Variants in TCERG1L observed in about 807,000 individuals in gnomAD.
TCERG1L encodes the protein transcription elongation regulator 1 like, also known as transcription elongation regulator 1-like protein.
Under a neutral mutation model 56.3 loss-of-function variants are expected in TCERG1L, and 37 were observed. That is an observed-to-expected ratio of 0.66 (90% CI 0.51 to 0.87). The LOEUF (loss-of-function observed/expected upper bound fraction) is 0.87. TCERG1L is among the 40% of genes least tolerant of loss of function. TCERG1L has a pLI of 0.00. For synonymous variants in TCERG1L, 324 were observed against 326.3 expected (o/e 0.99, Z 0.08); for missense variants, 799 against 774.2 (o/e 1.03, Z -0.38).
chr10:131,189,902 G>A (rs1845286776), intron 4 of TCERG1L, among the ~76,000 whole-genome samples: 1 of 151,852 alleles, frequency 6.6e-6, no homozygotes, highest in Admixed American at 6.6e-5. Flanking sequence ...CCTAAGGCTA[G>A]AAGAAGAAAA....
At position 131,103,418 on chromosome 10, in the gene TCERG1L, C is replaced by T. The variant is rs902859948; in HGVS notation, c.1485+847G>A. On this transcript the variant is annotated intron_variant, in intron 10 of 11. Coordinates refer to ENST00000368642, the MANE Select transcript of TCERG1L (RefSeq NM_174937.4). The surrounding 1 kb of genome is among the most constrained non-coding windows in gnomAD (Gnocchi z 4.3). The stretch of plus-strand genomic sequence containing the variant: ...GTATAAGGTTGTGATGAGCCAGGTG[C>T]GGTGGCTCACGCCTGTAATCCCAAC... 5.9e-5 allele frequency among the ~76,000 whole-genome samples: 9 copies of T among 152,100 alleles called. No homozygotes were observed. In the South Asian group the frequency reaches 8.3e-4, roughly 14 times the overall value.
At chr10:131,270,855 TC>T (rs1846332491) in intron 3 of TCERG1L, among the ~76,000 whole-genome samples, 1 of 152,218 alleles carries the variant, frequency 6.6e-6, no homozygotes, top group Non-Finnish European at 1.5e-5. Flanking sequence ...ACGTTCCTGT[TC>T]CAGTGTATCT....
chr10:131,098,508 G>T (rs1845272553), intron 10 of TCERG1L, 84 bp from the exon 11 acceptor site: 5 of 1,472,650 alleles, frequency 3.4e-6, no homozygotes, highest in Non-Finnish European at 4.5e-6. Context: ...ACATGAGAAA[G>T]CAGCAAGAAT....
chr10:131,305,843 T>C (rs1038082901), intron 3 of TCERG1L, among the ~76,000 whole-genome samples: 2 of 150,628 alleles, frequency 1.3e-5, no homozygotes, highest in Non-Finnish European at 2.9e-5. Context: ...ATAACTATTA[T>C]ATAATAGATT....
intron 3 of TCERG1L, among the ~76,000 whole-genome samples, chr10:131,289,168 T>C (rs1846579637): frequency 6.6e-6 from 1 of 151,142 alleles, no homozygotes; most frequent in Non-Finnish European, 1.5e-5. Context: ...TAATCAAGCA[T>C]CGCCTTAACA....
chr10:131,154,414 T>A (rs1845897658), intron 6 of TCERG1L, among the ~76,000 whole-genome samples: 1 of 152,150 alleles, frequency 6.6e-6, no homozygotes, highest in African/African-American at 2.4e-5. Context: ...CCTGTCTCCA[T>A]CCATCTTTCA....
chr10:131,203,936 C>T lies in TCERG1L; in HGVS notation c.857-37051G>A, dbSNP rs540709287. The stretch of plus-strand genomic sequence containing the variant: ...ATTAGGTCACACTAGGGCATGAATA[C>T]GTGAGTCCCCACAAAACCCCAAAGT... On this transcript the variant is annotated intron_variant, in intron 4 of 11. Coordinates refer to ENST00000368642, the MANE Select transcript of TCERG1L (RefSeq NM_174937.4). Among the ~76,000 whole-genome samples the T allele has an allele frequency of 5.3e-5, 8 of 152,318 alleles. No homozygotes were observed. In the East Asian group the frequency reaches 9.7e-4, roughly 18 times the overall value.
At chr10:131,256,251 C>T (rs1846163615) in intron 4 of TCERG1L, among the ~76,000 whole-genome samples, 1 of 152,172 alleles carries the variant, frequency 6.6e-6, no homozygotes, top group South Asian at 2.1e-4. Context: ...GCAGATTTTG[C>T]TAATGAGGAA....
chr10:131,256,962 A>G (rs1481171752), intron 4 of TCERG1L, among the ~76,000 whole-genome samples: 1 of 48,360 alleles, frequency 2.1e-5, no homozygotes, highest in Admixed American at 1.8e-4. Flanking sequence ...GGAAGGAAGG[A>G]AGGAAGGAAG....
chr10:131,245,762 C>T lies in TCERG1L; in HGVS notation c.856+14497G>A, dbSNP rs1039154195. On this transcript the variant is annotated intron_variant, in intron 4 of 11. Transcript: ENST00000368642. ...AAGAGCTGGTCGAGTTCGGAGTTGG[C>T]GGGAGGGGTGCAGTGGGTGGGAAGT... Among the ~76,000 whole-genome samples the T allele has an allele frequency of 3.9e-5, 6 of 152,156 alleles. No homozygotes were observed. In the East Asian group the frequency reaches 5.8e-4, roughly 15 times the overall value.
intron 3 of TCERG1L, among the ~76,000 whole-genome samples, chr10:131,301,758 G>A (rs1413585543): frequency 2.0e-5 from 3 of 151,872 alleles, no homozygotes; most frequent in African/African-American, 7.3e-5. Flanking sequence ...GAAATAAAAT[G>A]TGAATGTCAC....
At chr10:131,176,910 AC>A (rs1481067413) in intron 4 of TCERG1L, among the ~76,000 whole-genome samples, 2 of 152,206 alleles carry the variant, frequency 1.3e-5, no homozygotes, top group Non-Finnish European at 2.9e-5. Context: ...ACATTCACAC[AC>A]CAAGATACAT....
chr10:131,150,693 G>A (rs1845854339), intron 6 of TCERG1L, among the ~76,000 whole-genome samples: 2 of 152,212 alleles, frequency 1.3e-5, no homozygotes, highest in African/African-American at 4.8e-5. Context: ...AGAGAAACAG[G>A]ACTTCAACTT....
rs544804237 is a variant in TCERG1L, at chr10:131,222,971, T to C, written c.856+37288A>G. On this transcript the variant is annotated intron_variant, in intron 4 of 11. Transcript: ENST00000368642. ...CCTGTGGGAAGTCTGCACAAGACAATGGCCTAGTTCTGGTGAGGATAGTGA... is the reference window on the plus strand; with the variant it reads ...CCTGTGGGAAGTCTGCACAAGACAACGGCCTAGTTCTGGTGAGGATAGTGA... Among the ~76,000 whole-genome samples the C allele has an allele frequency of 3.3e-5, 5 of 152,232 alleles. No individual in the cohort carries two copies. The South Asian group carries it at 8.3e-4, about 25-fold the overall frequency.
At position 131,111,821 on chromosome 10, in the gene TCERG1L, T is replaced by C. The variant is rs1219619022; in HGVS notation, c.1395+4978A>G. ...TGTGTTGAAAACACAAGAAGACAGA[T>C]AGACAAGCCAGACTGCTCCAAGGTG... On this transcript the variant is annotated intron_variant, in intron 9 of 11. Coordinates refer to ENST00000368642, the MANE Select transcript of TCERG1L (RefSeq NM_174937.4). Among the ~76,000 whole-genome samples the C allele has an allele frequency of 7.0e-5, 10 of 143,338 alleles. 2 individuals are homozygous for C. Among genetic ancestry groups the C allele is most frequent in the African/African-American group, 1.2e-4 (5 of 40,608 alleles). 94.0% of individuals were successfully genotyped at this position (143,338 alleles called of 152,430 possible). A position where few individuals can be genotyped will look rare whatever the true frequency, so the allele number is the denominator to read the frequency against.
chr10:131,133,100 T>C (rs1023032696), intron 8 of TCERG1L, among the ~76,000 whole-genome samples: 2 of 152,208 alleles, frequency 1.3e-5, no homozygotes, highest in African/African-American at 4.8e-5. Context: ...ACGTGTTTTG[T>C]TCATGGCTCC....
At chr10:131,253,126 C>A (rs922583052) in intron 4 of TCERG1L, among the ~76,000 whole-genome samples, 1 of 152,222 alleles carries the variant, frequency 6.6e-6, no homozygotes, top group East Asian at 1.9e-4. Flanking sequence ...GCCTGCCAGG[C>A]GGACCCAGCT....
At position 131,302,839 on chromosome 10, in the gene TCERG1L, C is replaced by T. The variant is rs565826791; in HGVS notation, c.670+5372G>A. Among the ~76,000 whole-genome samples, 24 of 151,972 alleles carry T rather than the reference C, an allele frequency of 1.6e-4. No homozygotes were observed. In the East Asian group the frequency reaches 4.6e-3, roughly 29 times the overall value. On this transcript the variant is annotated intron_variant, in intron 3 of 11. Transcript: ENST00000368642. Reference sequence around the variant, plus strand: ...TCCCCTCCCTGTGTCCATGTGTTCTCATTGTTCAATGACCACTTATGAGTG... The same window carrying T: ...TCCCCTCCCTGTGTCCATGTGTTCTTATTGTTCAATGACCACTTATGAGTG...
At chr10:131,276,401 G>A (rs1278064138) in intron 3 of TCERG1L, among the ~76,000 whole-genome samples, 1 of 152,220 alleles carries the variant, frequency 6.6e-6, no homozygotes, top group Non-Finnish European at 1.5e-5. Flanking sequence ...CAAAAGTTTT[G>A]TGAAGAGGTT....
Sources: allele counts gnomAD v4.1 joint callset (sites outside exome capture counted in the v4.1 genomes callset), GRCh38; gene constraint gnomAD v4.1.1; non-coding constraint Gnocchi (gnomAD v3.1); transcripts MANE v1.5; gene names NCBI Gene and HGNC (gene_info 2026-07-23, HGNC 2026-07-21).